The following IPO11 variants were observed in gnomAD, a reference collection of about 807,000 sequenced individuals.
IPO11 encodes the protein importin 11.
A neutral mutation model predicts 143.2 loss-of-function variants in IPO11; 66 were observed. The observed-to-expected ratio is 0.46, with a 90% CI of 0.38 to 0.57. The LOEUF is 0.57. IPO11 is among the 20% of genes least tolerant of loss of function. The pLI is 0.00. For synonymous variants in IPO11, 385 were observed against 377.8 expected (o/e 1.02, Z -0.22); for missense variants, 1,026 against 1,141.0 (o/e 0.90, Z 1.45).
chr5:62,435,144 G>GTATA lies in IPO11; in HGVS notation c.-6-2126_-6-2123dup, dbSNP rs761497192. ...TATATATGTATATATATGTATATAT[G>GTATA]TATATATGTATATATATGTATATAT... On this transcript the variant is annotated intron_variant, in intron 1 of 29. Coordinates refer to ENST00000325324, the MANE Select transcript of IPO11 (RefSeq NM_016338.5). Among the ~76,000 whole-genome samples, 17 of 64,992 alleles carry GTATA rather than the reference G, an allele frequency of 2.6e-4. 1 individual carries two copies. Among genetic ancestry groups the GTATA allele is most frequent in the African/African-American group, 9.3e-4 (16 of 17,218 alleles). 42.6% of individuals were successfully genotyped at this position (64,992 alleles called of 152,430 possible). A position where few individuals can be genotyped will look rare whatever the true frequency, so the allele number is the denominator to read the frequency against.
chr5:62,583,979 G>C (rs1333297565), intron 27 of IPO11, among the ~76,000 whole-genome samples: 1 of 152,142 alleles, frequency 6.6e-6, no homozygotes, highest in Non-Finnish European at 1.5e-5. Context: ...GTCTGAGGAA[G>C]AATAGAATCC....
intron 28 of IPO11, among the ~76,000 whole-genome samples, chr5:62,596,913 G>A (rs1193124022): frequency 6.6e-6 from 1 of 152,100 alleles, no homozygotes; most frequent in Non-Finnish European, 1.5e-5. Context: ...ATACACTTAT[G>A]GCTTGACTAA....
chr5:62,506,094 G>C, intron 18 of IPO11, 147 bp from the exon 19 acceptor site: 1 of 509,702 alleles, frequency 2.0e-6, no homozygotes, highest in Non-Finnish European at 3.5e-6. Context: ...AACGATTTCA[G>C]GTTGTTTAGG....
chr5:62,451,433 A>G (rs986385290), intron 4 of IPO11, among the ~76,000 whole-genome samples: 4 of 152,232 alleles, frequency 2.6e-5, no homozygotes, highest in Admixed American at 6.5e-5. Flanking sequence ...GAAGACATCT[A>G]GGTTTTCATA....
Position 62,627,559 on chromosome 5 carries a change from T to G in IPO11, c.*241T>G. ...AGGGGGCCCTTCACTAAAAAGTACA[T>G]GTAAAAGTACATTTGATGACAATAG... On this transcript the variant is annotated 3_prime_UTR_variant, in exon 30 of 30. Coordinates refer to ENST00000325324, the MANE Select transcript of IPO11 (RefSeq NM_016338.5). 2.9e-6 allele frequency: 1 copy of G among 348,896 alleles called. No individual in the cohort carries two copies. Among genetic ancestry groups the G allele is most frequent in the East Asian group, 4.6e-5 (1 of 21,528 alleles). 21.6% of individuals were successfully genotyped at this position (348,896 alleles called of 1,614,324 possible). A position where few individuals can be genotyped will look rare whatever the true frequency, so the allele number is the denominator to read the frequency against.
In IPO11 at chr5:62,507,410, T is replaced by C. The variant is rs562821964; in HGVS notation, c.1782+1053T>C. ...TTTGATGGTGTTTTTTTCAACAACA[T>C]TGAGAGAATTTGGTCACACAGAGTT... On this transcript the variant is annotated intron_variant, in intron 19 of 29. Transcript: ENST00000325324. 3.3e-5 allele frequency among the ~76,000 whole-genome samples: 5 copies of C among 152,224 alleles called. No individual in the cohort carries two copies. The South Asian group carries it at 6.2e-4, about 19-fold the overall frequency.
chr5:62,435,149 T>TATATGTATA lies in IPO11; in HGVS notation c.-6-2123_-6-2122insATGTATAAT, dbSNP rs1477166649. On this transcript the variant is annotated intron_variant, in intron 1 of 29. Transcript: ENST00000325324. ...ATGTATATATATGTATATATGTATA[T>TATATGTATA]ATGTATATATATGTATATATATGTA... 4.0e-5 allele frequency among the ~76,000 whole-genome samples: 4 copies of TATATGTATA among 99,074 alleles called. No homozygotes were observed. In the South Asian group the frequency reaches 1.2e-3, roughly 29 times the overall value. The allele number at this position is 99,074 out of a possible 152,430, so 65.0% of individuals were successfully genotyped here.
At chr5:62,555,291 T>G (rs1168013663) in intron 26 of IPO11, among the ~76,000 whole-genome samples, 1 of 151,608 alleles carries the variant, frequency 6.6e-6, no homozygotes, top group East Asian at 1.9e-4. Flanking sequence ...TTTTTTATGT[T>G]TTTAAATTTT....
chr5:62,447,167 G>A (rs1744749041), intron 3 of IPO11, among the ~76,000 whole-genome samples: 1 of 151,908 alleles, frequency 6.6e-6, no homozygotes, highest in African/African-American at 2.4e-5. Context: ...GTGCAGTGAT[G>A]CAATCATAGC....
At chr5:62,454,470 T>C (rs1405449919) in intron 5 of IPO11, among the ~76,000 whole-genome samples, 1 of 152,250 alleles carries the variant, frequency 6.6e-6, no homozygotes, top group Non-Finnish European at 1.5e-5. Flanking sequence ...AATTCCTATT[T>C]CAACTTTATC....
chr5:62,492,246 G>C (rs2112239822), intron 15 of IPO11, among the ~76,000 whole-genome samples: 1 of 152,230 alleles, frequency 6.6e-6, no homozygotes, highest in South Asian at 2.1e-4. Flanking sequence ...GTCTAATATG[G>C]TCTTAGTCCC....
intron 5 of IPO11, among the ~76,000 whole-genome samples, chr5:62,459,241 C>T (rs1424675699): frequency 6.6e-6 from 1 of 152,056 alleles, no homozygotes; most frequent in African/African-American, 2.4e-5. Flanking sequence ...AGTGTCCCTC[C>T]TGGGCCTGAG....
intron 1 of IPO11, among the ~76,000 whole-genome samples, chr5:62,435,957 A>G (rs1435546032): frequency 6.6e-6 from 1 of 151,976 alleles, no homozygotes; most frequent in Non-Finnish European, 1.5e-5. Context: ...TGAACCCGGG[A>G]GGTGGAGTGA....
intron 1 of IPO11, among the ~76,000 whole-genome samples, chr5:62,424,386 G>C (rs566375894): frequency 6.6e-6 from 1 of 151,846 alleles, no homozygotes; most frequent in Non-Finnish European, 1.5e-5. Flanking sequence ...TGATCCGCCC[G>C]CCGGGGCCTC....
rs773471582 is a variant in IPO11 at position 62,484,136 on chromosome 5, T to C, written c.1148T>C (p.Met383Thr). 6.2e-7 allele frequency: 1 copy of C among 1,604,752 alleles called. No homozygotes were observed. Among genetic ancestry groups the C allele is most frequent in the Non-Finnish European group, 8.5e-7 (1 of 1,177,558 alleles). ...YFLLTEEELT[M>T]WEEDPEGFTV... ...CTATTAACTGAAGAAGAACTGACAA[T>C]GTGGGAAGAAGACCCAGAAGGCTTT... The change falls in exon 11 of 30, where the codon ATG becomes ACG. Residue 383 changes from methionine (M) to threonine (T), a missense_variant. Met to Thr is a moderately conservative substitution (Grantham distance 81). Coordinates refer to ENST00000325324, the MANE Select transcript of IPO11 (RefSeq NM_016338.5).
chr5:62,593,510 A>G (rs1745109415), intron 28 of IPO11, among the ~76,000 whole-genome samples: 2 of 152,138 alleles, frequency 1.3e-5, no homozygotes, highest in African/African-American at 4.8e-5. Context: ...AACAACAAAA[A>G]AAGTGGAGTG....
chr5:62,419,037 G>C, intron 1 of IPO11: 1 of 1,551,082 alleles, frequency 6.4e-7, no homozygotes, highest in Non-Finnish European at 8.7e-7. Flanking sequence ...TTATACACTT[G>C]GGCTATGTGG....
At chr5:62,446,090 C>G (rs1744708931) in intron 3 of IPO11, among the ~76,000 whole-genome samples, 1 of 152,072 alleles carries the variant, frequency 6.6e-6, no homozygotes. Flanking sequence ...TTTTAATGAC[C>G]TGAATGTTTA....
intron 16 of IPO11, among the ~76,000 whole-genome samples, chr5:62,499,953 G>A (rs1007579554): frequency 1.3e-5 from 2 of 152,120 alleles, no homozygotes; most frequent in African/African-American, 2.4e-5. Flanking sequence ...CTTCTGGGGC[G>A]TTAACACACA....
Sources: gnomAD v4.1 joint callset for allele counts (sites outside exome capture counted in the v4.1 genomes callset) on GRCh38, gnomAD v4.1.1 for gene constraint, MANE v1.5 for transcripts, NCBI Gene and HGNC (gene_info 2026-07-23, HGNC 2026-07-21) for gene names.